LRP12: variants seen among roughly 807,000 people sequenced by gnomAD.
LRP12 encodes the protein LDL receptor related protein 12.
A neutral mutation model predicts 66.0 loss-of-function variants in LRP12; 14 were observed. The observed-to-expected ratio is 0.21, with a 90% confidence interval of 0.14 to 0.33. The LOEUF is 0.33. LRP12 is among the 10% of genes least tolerant of loss of function. LRP12 has a pLI of 1.00. For missense variants in LRP12, 889 were observed against 1,053.4 expected (o/e 0.84, Z 2.16); for synonymous variants, 357 against 359.1 (o/e 0.99, Z 0.07).
chr8:104,549,262 C>G (rs1378725208), intron 1 of LRP12, among the ~76,000 whole-genome samples: 1 of 152,048 alleles, frequency 6.6e-6, no homozygotes, highest in Non-Finnish European at 1.5e-5. Flanking sequence ...ATTAATAGAG[C>G]TTCCTTACCT....
chr8:104,518,043 C>T lies in LRP12; in HGVS notation c.137-8969G>A, dbSNP rs927248788. Among the ~76,000 whole-genome samples, 3 of 152,024 alleles carry T rather than the reference C, an allele frequency of 2.0e-5. No homozygotes were observed. In the East Asian group the frequency reaches 5.8e-4, roughly 29 times the overall value. ...AGCATAAAAATCAGGTACCTCCTGG[C>T]CTACTGTTAATTTAGGAAAATAATA... On this transcript the variant is annotated intron_variant, in intron 2 of 6. Coordinates refer to ENST00000276654, the MANE Select transcript of LRP12 (RefSeq NM_013437.5).
rs372844901 is a variant in LRP12 at position 104,554,495 on chromosome 8, G to A, written c.80-22532C>T. ...GAAATGGAAAATACATTGGAAAATTGAAACAACAGAACAAGTAGAAGAAAA... is the reference window on the plus strand; with the variant it reads ...GAAATGGAAAATACATTGGAAAATTAAAACAACAGAACAAGTAGAAGAAAA... On this transcript the variant is annotated intron_variant, in intron 1 of 6. Coordinates refer to ENST00000276654, the MANE Select transcript of LRP12 (RefSeq NM_013437.5). Among the ~76,000 whole-genome samples the A allele has an allele frequency of 2.6e-5, 4 of 151,902 alleles. No individual in the cohort carries two copies. The East Asian group carries it at 7.7e-4, about 29-fold the overall frequency.
intron 1 of LRP12, among the ~76,000 whole-genome samples, chr8:104,543,164 T>C (rs1047672374): frequency 3.3e-5 from 5 of 152,090 alleles, no homozygotes; most frequent in Non-Finnish European, 5.9e-5. Flanking sequence ...CTTTGCTTTA[T>C]GATACTTTGC....
intron 1 of LRP12, among the ~76,000 whole-genome samples, chr8:104,572,762 G>A (rs1197562867): frequency 6.6e-6 from 1 of 151,990 alleles, no homozygotes; most frequent in Admixed American, 6.6e-5. Context: ...CTGACTCAAG[G>A]ATGAAGGAAT....
chr8:104,527,825 TATA>T (rs1811263907), intron 2 of LRP12, among the ~76,000 whole-genome samples: 1 of 151,802 alleles, frequency 6.6e-6, no homozygotes, highest in Admixed American at 6.6e-5. Context: ...TAAAACAAAG[TATA>T]ATAATAAAAA....
chr8:104,565,893 A>G (rs1175811288), intron 1 of LRP12, among the ~76,000 whole-genome samples: 1 of 142,480 alleles, frequency 7.0e-6, no homozygotes, highest in Non-Finnish European at 1.5e-5. Context: ...CACACACCCC[A>G]TACATGTTAC....
In LRP12 at chr8:104,491,163, G is replaced by A; in HGVS notation, c.2090C>T (p.Thr697Ile). 5.0e-6 allele frequency: 8 copies of A among 1,614,094 alleles called. No homozygotes were observed. The highest frequency in any genetic ancestry group is 6.8e-6 in the Non-Finnish European group (8 of 1,180,016). The change falls in exon 7 of 7, where the codon ACT becomes ATT. Residue 697 changes from threonine (T) to isoleucine (I), a missense_variant. Physicochemically the swap from Thr to Ile is moderately conservative, Grantham distance 89 (BLOSUM62 -1). This residue lies in a region of LRP12 where 800 missense variants were observed against 964.5 expected (regional missense o/e 0.83). Coordinates refer to ENST00000276654, the MANE Select transcript of LRP12 (RefSeq NM_013437.5). ...TGCATGACCACCTCGGGTACTCTGAGTTGAGGAACTTGCACATGCTCCTAC... is the reference window on the plus strand; with the variant it reads ...TGCATGACCACCTCGGGTACTCTGAATTGAGGAACTTGCACATGCTCCTAC... ...ATVGACASSS[T>I]QSTRGGHADN...
rs958343810 is a variant in LRP12 at position 104,518,719 on chromosome 8, A to G, written c.137-9645T>C. 6.6e-5 allele frequency among the ~76,000 whole-genome samples: 10 copies of G among 152,180 alleles called. No homozygotes were observed. The East Asian group carries it at 1.9e-3, about 29-fold the overall frequency. ...TGACCAGCTTCTTAGTATCTTTGGT[A>G]TTAAAAATTTTATAAACAGCATTCT... is the stretch of plus-strand genomic sequence containing the variant. On this transcript the variant is annotated intron_variant, in intron 2 of 6. Transcript: ENST00000276654.
In LRP12 at chr8:104,556,668, C is replaced by T. The variant is rs192214926; in HGVS notation, c.80-24705G>A. ...AGTCCAAGACCAGACGGATTCACAG[C>T]TGAATTCTATCACACATTCAAAGAA... On this transcript the variant is annotated intron_variant, in intron 1 of 6. Coordinates refer to ENST00000276654, the MANE Select transcript of LRP12 (RefSeq NM_013437.5). 4.1e-3 allele frequency among the ~76,000 whole-genome samples: 631 copies of T among 152,266 alleles called. 4 individuals carry two copies. Among genetic ancestry groups the T allele is most frequent in the South Asian group, 6.8e-3 (33 of 4,828 alleles).
rs74569440 is a variant in LRP12 at position 104,564,208 on chromosome 8, T to C, written c.79+24611A>G. Among the ~76,000 whole-genome samples, 645 of 152,290 alleles carry C rather than the reference T, an allele frequency of 4.2e-3. 7 individuals carry two copies. The highest frequency in any genetic ancestry group is 0.015 in the African/African-American group (615 of 41,566). ...CAACAGGAAAAGAATATATATCACA[T>C]ACATCACAGAAGTTTCTAACCTCCT... On this transcript the variant is annotated intron_variant, in intron 1 of 6. Transcript: ENST00000276654.
At chr8:104,512,820 AT>A (rs746994873) in intron 2 of LRP12, among the ~76,000 whole-genome samples, 7 of 152,190 alleles carry the variant, frequency 4.6e-5, no homozygotes, top group Non-Finnish European at 8.8e-5. Flanking sequence ...CGGCCCAGGG[AT>A]AAGACATACC....
At chr8:104,534,284 C>T (rs912999412) in intron 1 of LRP12, among the ~76,000 whole-genome samples, 1 of 151,882 alleles carries the variant, frequency 6.6e-6, no homozygotes, top group Non-Finnish European at 1.5e-5. Flanking sequence ...AGATGTTAAA[C>T]ATGTCATATG....
At chr8:104,525,035 C>CA (rs1197534821) in intron 2 of LRP12, among the ~76,000 whole-genome samples, 1 of 151,938 alleles carries the variant, frequency 6.6e-6, no homozygotes, top group African/African-American at 2.4e-5. Flanking sequence ...TTAAACATTT[C>CA]AAAAAGAAAC....
In LRP12 at chr8:104,491,637, A is replaced by T. The variant is rs879649049; in HGVS notation, c.1714-98T>A. On this transcript the variant is annotated intron_variant, in intron 6 of 6. Transcript: ENST00000276654. ...TCTATTAAGAATGTGTTGTGGTTAAAAATTCTGTTACTCATTGTTGCTTTT... is the reference window on the plus strand; with the variant it reads ...TCTATTAAGAATGTGTTGTGGTTAATAATTCTGTTACTCATTGTTGCTTTT... The T allele has an allele frequency of 9.0e-5, 91 of 1,006,548 alleles. 1 individual carries two copies. In the East Asian group the frequency reaches 2.4e-3, roughly 27 times the overall value. The allele number at this position is 1,006,548 out of a possible 1,614,324, so 62.4% of individuals were successfully genotyped here.
At chr8:104,561,039 T>A (rs1811899556) in intron 1 of LRP12, among the ~76,000 whole-genome samples, 2 of 152,222 alleles carry the variant, frequency 1.3e-5, no homozygotes, top group African/African-American at 4.8e-5. Flanking sequence ...TTTTAGGCTC[T>A]GTGGGCCATA....
intron 2 of LRP12, 110 bp downstream of exon 2, chr8:104,531,797 A>T (rs1811328094): frequency 1.4e-6 from 1 of 718,474 alleles, no homozygotes; most frequent in South Asian, 1.7e-5. Context: ...TGCTGCAAAA[A>T]GCAGTAATAA....
chr8:104,584,758 T>C (rs956906657), intron 1 of LRP12, among the ~76,000 whole-genome samples: 2 of 152,240 alleles, frequency 1.3e-5, no homozygotes, highest in African/African-American at 4.8e-5. Flanking sequence ...GAAGGGTTTA[T>C]GTTAAGCAAT....
chr8:104,565,785 C>T (rs369315634), intron 1 of LRP12, among the ~76,000 whole-genome samples: 24 of 150,372 alleles, frequency 1.6e-4, no homozygotes, highest in African/African-American at 4.4e-4. Flanking sequence ...GGCGTGAACT[C>T]GGGAGGCAGA....
intron 1 of LRP12, among the ~76,000 whole-genome samples, chr8:104,578,450 C>T (rs1003226458): frequency 1.3e-5 from 2 of 152,046 alleles, no homozygotes; most frequent in African/African-American, 2.4e-5. Context: ...CTGAATTCTA[C>T]CAGATGTACA....
Sources: allele counts gnomAD v4.1 joint callset (sites outside exome capture counted in the v4.1 genomes callset), GRCh38; gene constraint gnomAD v4.1.1; regional missense constraint gnomAD v4.1.1; transcripts MANE v1.5; gene names NCBI Gene and HGNC (gene_info 2026-07-23, HGNC 2026-07-21).